The following IGF2BP2 variants were observed in gnomAD, a reference collection of about 807,000 sequenced individuals.
IGF2BP2 encodes insulin like growth factor 2 mRNA binding protein 2.
A neutral mutation model predicts 75.8 loss-of-function variants in IGF2BP2; 17 were observed. The observed-to-expected ratio is 0.22, with a 90% CI of 0.15 to 0.34. IGF2BP2 has a LOEUF of 0.34. Ranked by LOEUF, IGF2BP2 falls within the 10% of genes least tolerant of loss-of-function variation. IGF2BP2 has a pLI of 1.00. For missense variants in IGF2BP2, 516 were observed against 772.4 expected, an observed-to-expected ratio of 0.67 and a Z score of 3.93; for synonymous variants, 288 against 295.6, an observed-to-expected ratio of 0.97 and a Z score of 0.26.
chr3:185,725,329 T>C (rs1450211981), intron 2 of IGF2BP2, among the ~76,000 whole-genome samples: 1 of 152,174 alleles, frequency 6.6e-6, no homozygotes, highest in African/African-American at 2.4e-5. Context: ...AAAAGCAAGA[T>C]GTACGCTTCC....
chr3:185,720,675 C>T lies in IGF2BP2; in HGVS notation c.240-22328G>A, dbSNP rs1001410479. 4.6e-5 allele frequency among the ~76,000 whole-genome samples: 7 copies of T among 152,182 alleles called. No individual in the cohort carries two copies. In the South Asian group the frequency reaches 6.2e-4, roughly 14 times the overall value. On this transcript the variant is annotated intron_variant, in intron 2 of 15. Coordinates refer to ENST00000382199, the MANE Select transcript of IGF2BP2 (RefSeq NM_006548.6). Reference sequence around the variant, plus strand: ...CGAAGGCATGCTGCTGAACCCACTCCACTCACCCAGTTATTCAGAGGCAGA... The same window carrying T: ...CGAAGGCATGCTGCTGAACCCACTCTACTCACCCAGTTATTCAGAGGCAGA...
intron 2 of IGF2BP2, among the ~76,000 whole-genome samples, chr3:185,727,047 C>T (rs1727434226): frequency 1.3e-5 from 2 of 151,922 alleles, no homozygotes; most frequent in Admixed American, 6.6e-5. Context: ...CGTGAAACCC[C>T]ATCTCTACTA....
At chr3:185,818,172 T>C (rs1049009689) in intron 2 of IGF2BP2, among the ~76,000 whole-genome samples, 7 of 152,206 alleles carry the variant, frequency 4.6e-5, no homozygotes, top group South Asian at 2.1e-4. Context: ...TTTCAAAGTA[T>C]AGAATTTCTA....
intron 14 of IGF2BP2, among the ~76,000 whole-genome samples, chr3:185,648,435 C>A (rs974820329): frequency 6.7e-5 from 10 of 150,084 alleles, no homozygotes; most frequent in African/African-American, 2.2e-4. Flanking sequence ...TGCACTCCAG[C>A]CTGGGTGACA....
intron 7 of IGF2BP2, among the ~76,000 whole-genome samples, chr3:185,676,264 G>A (rs1483389759): frequency 6.6e-6 from 1 of 152,088 alleles, no homozygotes; most frequent in Non-Finnish European, 1.5e-5. Flanking sequence ...AGACTAGGAA[G>A]CCACAGGTCT....
intron 9 of IGF2BP2, 115 bp downstream of exon 9, chr3:185,675,181 C>T: frequency 9.8e-7 from 1 of 1,016,446 alleles, no homozygotes; most frequent in Non-Finnish European, 1.4e-6. Flanking sequence ...TGCTTTTATC[C>T]TAGGAAGTCA....
chr3:185,776,790 C>A (rs1366234539), intron 2 of IGF2BP2, among the ~76,000 whole-genome samples: 1 of 152,230 alleles, frequency 6.6e-6, no homozygotes, highest in Non-Finnish European at 1.5e-5. Context: ...ACACTATTTT[C>A]ATCTTCATCG....
intron 2 of IGF2BP2, among the ~76,000 whole-genome samples, chr3:185,815,643 C>G (rs1294365683): frequency 6.6e-6 from 1 of 152,128 alleles, no homozygotes; most frequent in African/African-American, 2.4e-5. Context: ...TCTCCTGAGT[C>G]AGAATTCCAC....
At chr3:185,705,670 T>A (rs1481856989) in intron 2 of IGF2BP2, among the ~76,000 whole-genome samples, 1 of 152,206 alleles carries the variant, frequency 6.6e-6, no homozygotes, top group East Asian at 1.9e-4. Context: ...CTCACAGTTC[T>A]GGAGGCTGGG....
chr3:185,705,243 C>T (rs1317805873), intron 2 of IGF2BP2, among the ~76,000 whole-genome samples: 2 of 152,286 alleles, frequency 1.3e-5, no homozygotes, highest in East Asian at 1.9e-4. Context: ...ACTACAGGTG[C>T]GTACCACCAC....
intron 2 of IGF2BP2, among the ~76,000 whole-genome samples, chr3:185,809,022 T>C (rs765596730): frequency 2.0e-5 from 3 of 152,202 alleles, no homozygotes; most frequent in Non-Finnish European, 2.9e-5. Flanking sequence ...TAATTTATTA[T>C]AAACAAACAT....
chr3:185,727,376 C>T (rs1727495685), intron 2 of IGF2BP2, among the ~76,000 whole-genome samples: 2 of 152,130 alleles, frequency 1.3e-5, no homozygotes, highest in African/African-American at 2.4e-5. Context: ...TATGCACCAG[C>T]CTTAGCCTCC....
At chr3:185,729,337 T>C (rs1367325095) in intron 2 of IGF2BP2, among the ~76,000 whole-genome samples, 1 of 152,206 alleles carries the variant, frequency 6.6e-6, no homozygotes. Flanking sequence ...CAGATCTGGG[T>C]AGCTCTCACA....
chr3:185,786,327 C>T (rs1735880987), intron 2 of IGF2BP2, among the ~76,000 whole-genome samples: 1 of 152,094 alleles, frequency 6.6e-6, no homozygotes, highest in African/African-American at 2.4e-5. Flanking sequence ...TGAGCCCAAG[C>T]TAAGCCATCG....
intron 2 of IGF2BP2, among the ~76,000 whole-genome samples, chr3:185,804,595 T>C (rs1028090105): frequency 6.6e-6 from 1 of 152,200 alleles, no homozygotes; most frequent in Admixed American, 6.5e-5. Flanking sequence ...TTGAAAACAA[T>C]ATAAATTTTT....
chr3:185,658,595 A>G (rs1261265400), intron 10 of IGF2BP2, among the ~76,000 whole-genome samples, 186 bp from the exon 11 acceptor site: 1 of 152,196 alleles, frequency 6.6e-6, no homozygotes, highest in African/African-American at 2.4e-5. Context: ...AGACCACGGA[A>G]TGCTTGGCAA....
At chr3:185,813,359 GT>G (rs1370212202) in intron 2 of IGF2BP2, among the ~76,000 whole-genome samples, 1 of 152,068 alleles carries the variant, frequency 6.6e-6, no homozygotes, top group African/African-American at 2.4e-5. Flanking sequence ...TTAAAATTTG[GT>G]TTCTCAGATC....
rs945190316 is a variant in IGF2BP2 at position 185,647,569 on chromosome 3, C to T, written c.1594-431G>A. On this transcript the variant is annotated intron_variant, in intron 14 of 15. Coordinates refer to ENST00000382199, the MANE Select transcript of IGF2BP2 (RefSeq NM_006548.6). This position sits in a 1 kb window ranked among gnomAD's most constrained non-coding sequence, Gnocchi z 4.9. ...ACCTCCTCTTGGTTAACTTTCCCTG[C>T]GAATCAGCCCTGCTGTTCCCTCCTC... is the stretch of plus-strand genomic sequence containing the variant. Among the ~76,000 whole-genome samples the T allele has an allele frequency of 6.6e-6, 1 of 152,100 alleles. No individual in the cohort carries two copies. Among genetic ancestry groups the T allele is most frequent in the African/African-American group, 2.4e-5 (1 of 41,416 alleles).
At chr3:185,807,040 G>A (rs534086199) in intron 2 of IGF2BP2, among the ~76,000 whole-genome samples, 3 of 152,164 alleles carry the variant, frequency 2.0e-5, no homozygotes, top group African/African-American at 7.2e-5. Flanking sequence ...GCACAATTCT[G>A]GAGCAATCGG....
Sources: allele counts gnomAD v4.1 joint callset (sites outside exome capture counted in the v4.1 genomes callset), GRCh38; gene constraint gnomAD v4.1.1; non-coding constraint Gnocchi (gnomAD v3.1); transcripts MANE v1.5; gene names NCBI Gene and HGNC (gene_info 2026-07-23, HGNC 2026-07-21).